The following DENND2B variants were observed in gnomAD, a reference collection of about 807,000 sequenced individuals.
DENND2B encodes the protein DENN domain-containing protein 2B.
DENND2B carries 32 observed loss-of-function variants against 116.0 expected under a neutral mutation model. The ratio of observed to expected loss-of-function variants is 0.28; its 90% confidence interval spans 0.21 to 0.37. The LOEUF is 0.37. Ranked by LOEUF, DENND2B falls within the 10% of genes least tolerant of loss-of-function variation. The pLI is 1.00. For missense variants in DENND2B, 1,276 were observed against 1,477.7 expected (o/e 0.86, Z 2.24); for synonymous variants, 588 against 583.9 (o/e 1.01, Z -0.10).
chr11:8,868,037 A>G (rs984740035), intron 2 of DENND2B, among the ~76,000 whole-genome samples: 1 of 152,228 alleles, frequency 6.6e-6, no homozygotes, highest in Non-Finnish European at 1.5e-5. Context: ...GCATTGCGAA[A>G]CATGGGGGAA....
At chr11:8,840,942 T>C (rs577970579) in intron 3 of DENND2B, among the ~76,000 whole-genome samples, 8 of 152,294 alleles carry the variant, frequency 5.3e-5, no homozygotes, top group South Asian at 2.1e-4. Context: ...TTCATCAAAA[T>C]CTGTCAAAAT....
At chr11:8,719,640 G>T (rs1424147599) in intron 4 of DENND2B, among the ~76,000 whole-genome samples, 2 of 152,200 alleles carry the variant, frequency 1.3e-5, no homozygotes, top group Admixed American at 6.5e-5. Context: ...CCACTGTGGG[G>T]CACTTAGGGA....
chr11:8,812,066 G>A (rs568681776), upstream of DENND2B, among the ~76,000 whole-genome samples: 4 of 152,200 alleles, frequency 2.6e-5, no homozygotes, highest in African/African-American at 9.7e-5. Flanking sequence ...TGGAAAAACT[G>A]AGACTCAGAG....
chr11:8,769,910 C>A (rs2134171873), intron 1 of DENND2B, among the ~76,000 whole-genome samples: 1 of 152,302 alleles, frequency 6.6e-6, no homozygotes, highest in Admixed American at 6.5e-5. Flanking sequence ...GCAGGCAGAT[C>A]ACCTGAACCC....
At chr11:8,902,342 G>A (rs967818770) in intron 1 of DENND2B, among the ~76,000 whole-genome samples, 3 of 145,548 alleles carry the variant, frequency 2.1e-5, no homozygotes, top group African/African-American at 7.4e-5. Flanking sequence ...AAAAAAAAAA[G>A]AGTGAGGTGT....
chr11:8,732,957 A>T (rs1016983354), intron 2 of DENND2B, among the ~76,000 whole-genome samples: 2 of 152,260 alleles, frequency 1.3e-5, no homozygotes. Context: ...AGTTTGGGTG[A>T]GTCAGGGATT....
At chr11:8,814,239 A>T (rs1013749036), upstream of DENND2B, among the ~76,000 whole-genome samples, 4 of 147,984 alleles carry the variant, frequency 2.7e-5, no homozygotes, top group Non-Finnish European at 5.9e-5. Context: ...CTCTCCCCTC[A>T]CAAAGTCATT....
Position 8,731,051 on chromosome 11 carries a change from G to C in DENND2B, c.239C>G (p.Pro80Arg), listed in dbSNP as rs61751342. 84,211 of 1,614,014 alleles carry C rather than the reference G, an allele frequency of 0.052. 2,592 individuals are homozygous for C. The highest frequency in any genetic ancestry group is 0.063 in the Non-Finnish European group (74,178 of 1,179,952). The part of the protein sequence containing the change: ...RHPPAPSPQN[P>R]QDPSPDTSPP... Reference sequence around the variant, plus strand: ...GGAAGTATCTGGGGAGGGATCTTGAGGATTCTGGGGTGAAGGAGCTGGGGG... The same window carrying C: ...GGAAGTATCTGGGGAGGGATCTTGACGATTCTGGGGTGAAGGAGCTGGGGG... Residue 80 changes from proline (P) to arginine (R), a missense_variant, in exon 3 of 20, where the codon CCT becomes CGT. Physicochemically the swap from Pro to Arg is moderately radical, Grantham distance 103. This residue lies in a region of DENND2B where 856 missense variants were observed against 846.6 expected (regional missense o/e 1.01). Coordinates refer to ENST00000313726, the MANE Select transcript of DENND2B (RefSeq NM_213618.2).
chr11:8,855,259 T>G (rs1372444107), intron 3 of DENND2B, among the ~76,000 whole-genome samples: 1 of 151,712 alleles, frequency 6.6e-6, no homozygotes, highest in East Asian at 2.0e-4. Flanking sequence ...ACGTGTAGTG[T>G]ACAAGCTGGC....
At chr11:8,810,134 G>A (rs1446813339) in intron 1 of DENND2B, 4 of 150,912 alleles carry the variant, frequency 2.7e-5, no homozygotes, top group Non-Finnish European at 4.4e-5. Context: ...ACGAACAAGC[G>A]GCTCAAAAGG....
In DENND2B at chr11:8,730,185, G is replaced by A. The variant is rs1282775898; in HGVS notation, c.1105C>T (p.Pro369Ser). Residue 369 changes from proline to serine, a missense_variant, in exon 3 of 20, where the codon CCT becomes TCT. Pro to Ser is a moderately conservative substitution (Grantham distance 74). Coordinates refer to ENST00000313726, the MANE Select transcript of DENND2B (RefSeq NM_213618.2). This position sits in a 1 kb window ranked among gnomAD's most constrained non-coding sequence, Gnocchi z 4.1. ...TTCGATGGCAGCCGCTGGGAGCTAG[G>A]GCTATTTCCAGGGGTCCCGGGCTTA... is the stretch of plus-strand genomic sequence containing the variant. ...STKPGTPGNS[P>S]SSQRLPSKSS... The A allele has an allele frequency of 6.2e-7, 1 of 1,613,988 alleles. No homozygotes were observed. The highest frequency in any genetic ancestry group is 1.7e-5 in the Admixed American group (1 of 60,008).
At chr11:8,855,828 G>A (rs2063174561) in intron 3 of DENND2B, among the ~76,000 whole-genome samples, 1 of 152,068 alleles carries the variant, frequency 6.6e-6, no homozygotes, top group African/African-American at 2.4e-5. Flanking sequence ...AAAGGGAAGG[G>A]CCCAATCCAA....
intron 13 of DENND2B, among the ~76,000 whole-genome samples, chr11:8,705,081 A>G (rs2042364180): frequency 6.6e-6 from 1 of 151,944 alleles, no homozygotes; most frequent in Non-Finnish European, 1.5e-5. Context: ...TCCTCTCCTA[A>G]TAAACACCAA....
chr11:8,792,323 AT>A (rs1290153534), intron 1 of DENND2B, among the ~76,000 whole-genome samples: 1 of 151,824 alleles, frequency 6.6e-6, no homozygotes, highest in East Asian at 1.9e-4. Flanking sequence ...ACATGAATAA[AT>A]TTTTTTTTGT....
At chr11:8,881,975 C>T (rs1225114715) in intron 1 of DENND2B, among the ~76,000 whole-genome samples, 1 of 151,818 alleles carries the variant, frequency 6.6e-6, no homozygotes, top group East Asian at 1.9e-4. Context: ...TTTACTATCT[C>T]CTTCTCTGTA....
In DENND2B at chr11:8,714,704, A is replaced by T. The variant is rs1403982530; in HGVS notation, c.1848T>A (p.Leu616=). Residue 616 remains leucine, a splice_region_variant and synonymous_variant, in exon 7 of 20, where the codon CTT becomes CTA. Transcript: ENST00000313726. ...TGTAGATGGAGTTAATTCTTTGGAC[A>T]AGCTGGGTGAGAAAAGCAGGATGGG... is the stretch of plus-strand genomic sequence containing the variant. ...SSRRARRIPK[L]VQRINSIYNA... 1 of 1,614,004 alleles carries T rather than the reference A, an allele frequency of 6.2e-7. No individual in the cohort carries two copies. The highest frequency in any genetic ancestry group is 8.5e-7 in the Non-Finnish European group (1 of 1,180,002).
At chr11:8,886,201 C>G (rs373521000) in intron 1 of DENND2B, among the ~76,000 whole-genome samples, 5 of 152,136 alleles carry the variant, frequency 3.3e-5, no homozygotes, top group Non-Finnish European at 5.9e-5. Context: ...TCCCAAAGTG[C>G]TGGGATTACA....
At chr11:8,758,855 T>A (rs1274695308) in intron 1 of DENND2B, among the ~76,000 whole-genome samples, 1 of 152,142 alleles carries the variant, frequency 6.6e-6, no homozygotes, top group African/African-American at 2.4e-5. Flanking sequence ...CTAGCCTGCA[T>A]CCCAGCAGGA....
Position 8,866,622 on chromosome 11 carries a change from G to T in DENND2B, c.-250+4332C>A, listed in dbSNP as rs150752136. 4.6e-5 allele frequency among the ~76,000 whole-genome samples: 7 copies of T among 152,310 alleles called. No homozygotes were observed. The East Asian group carries it at 1.2e-3, about 25-fold the overall frequency. On this transcript the variant is annotated intron_variant, in intron 2 of 6. Transcript: ENST00000524757. ...ACAAACTGGGAGAAGGAACCAAGGT[G>T]CTAATCAGGGTGTGACCACCTCTAT...
Sources: gnomAD v4.1 joint callset for allele counts (sites outside exome capture counted in the v4.1 genomes callset) on GRCh38, gnomAD v4.1.1 for gene constraint, gnomAD v4.1.1 regional missense constraint, Gnocchi (gnomAD v3.1) non-coding constraint, MANE v1.5 for transcripts, NCBI Gene and HGNC (gene_info 2026-07-23, HGNC 2026-07-21) for gene names.